CHST9: variants seen among roughly 807,000 people sequenced by gnomAD.
CHST9 encodes the protein carbohydrate sulfotransferase 9, also known as GalNAc-4-sulfotransferase 2.
A neutral mutation model predicts 44.4 loss-of-function variants in CHST9; 41 were observed. The observed-to-expected ratio is 0.92, with a 90% confidence interval of 0.72 to 1.20. The LOEUF is 1.20. CHST9 is among the 50% of genes most tolerant of loss of function. The pLI is 0.00. For missense variants in CHST9, 504 were observed against 516.5 expected, an observed-to-expected ratio of 0.98 and a Z score of 0.23; for synonymous variants, 171 against 178.4, an observed-to-expected ratio of 0.96 and a Z score of 0.33.
intron 5 of CHST9, among the ~76,000 whole-genome samples, chr18:26,926,419 C>T (rs1379407056): frequency 6.6e-6 from 1 of 152,120 alleles, no homozygotes; most frequent in Non-Finnish European, 1.5e-5. Context: ...GGAAACAGTG[C>T]TCTGGTTTGA....
chr18:27,105,533 C>T (rs2058213718), intron 2 of CHST9, among the ~76,000 whole-genome samples: 1 of 151,950 alleles, frequency 6.6e-6, no homozygotes. Flanking sequence ...TCTGAAGCAG[C>T]CCCAAAGTAG....
intron 2 of CHST9, among the ~76,000 whole-genome samples, chr18:27,138,166 G>T (rs1192635413): frequency 6.6e-6 from 1 of 152,088 alleles, no homozygotes; most frequent in African/African-American, 2.4e-5. Flanking sequence ...TGTCCCAATG[G>T]CTTGGCCTGG....
chr18:27,171,364 C>T (rs908329044), intron 1 of CHST9, among the ~76,000 whole-genome samples: 3 of 152,086 alleles, frequency 2.0e-5, no homozygotes, highest in African/African-American at 7.2e-5. Context: ...GAAGAAACTC[C>T]TTGATCATGA....
chr18:27,049,073 C>T (rs771088949), intron 2 of CHST9, among the ~76,000 whole-genome samples: 1 of 151,996 alleles, frequency 6.6e-6, no homozygotes, highest in Non-Finnish European at 1.5e-5. Context: ...ACAGTATGGG[C>T]TAAATGGACA....
At chr18:27,012,462 T>C (rs964551045) in intron 4 of CHST9, among the ~76,000 whole-genome samples, 10 of 152,186 alleles carry the variant, frequency 6.6e-5, no homozygotes, top group Non-Finnish European at 1.2e-4. Flanking sequence ...TTCATCCTTG[T>C]CTTCACATTG....
At chr18:27,104,311 T>C (rs574129716) in intron 2 of CHST9, among the ~76,000 whole-genome samples, 1 of 152,322 alleles carries the variant, frequency 6.6e-6, no homozygotes, top group East Asian at 1.9e-4. Context: ...GAGTTGTGTG[T>C]CTGACTGATT....
At chr18:26,970,679 C>T (rs1324497225) in intron 4 of CHST9, among the ~76,000 whole-genome samples, 3 of 152,208 alleles carry the variant, frequency 2.0e-5, no homozygotes, top group African/African-American at 7.2e-5. Flanking sequence ...CCTCCTGTCT[C>T]GGCCTCCCAA....
chr18:26,966,561 G>C (rs957866901), intron 4 of CHST9, among the ~76,000 whole-genome samples: 5 of 152,146 alleles, frequency 3.3e-5, no homozygotes, highest in African/African-American at 1.2e-4. Flanking sequence ...TACTGGCTTG[G>C]AATCTCTCTC....
chr18:26,919,550 C>T (rs1598553232), intron 5 of CHST9, among the ~76,000 whole-genome samples: 1 of 152,238 alleles, frequency 6.6e-6, no homozygotes, highest in South Asian at 2.1e-4. Context: ...GTTGTTTTAG[C>T]AGCAGCAGCA....
intron 1 of CHST9, among the ~76,000 whole-genome samples, chr18:27,156,143 TA>T (rs2143911959): frequency 6.9e-6 from 1 of 144,358 alleles, no homozygotes; most frequent in South Asian, 2.5e-4. Context: ...GAATGAGGGT[TA>T]ACTATGAAAT....
chr18:27,081,186 C>G (rs945102426), intron 2 of CHST9, among the ~76,000 whole-genome samples: 2 of 151,982 alleles, frequency 1.3e-5, no homozygotes, highest in African/African-American at 2.4e-5. Context: ...TTAGAAAAAA[C>G]AGTTTGCTGG....
At chr18:27,071,933 A>G (rs979742008) in intron 2 of CHST9, among the ~76,000 whole-genome samples, 1 of 152,178 alleles carries the variant, frequency 6.6e-6, no homozygotes, top group African/African-American at 2.4e-5. Flanking sequence ...CTAATGTGAT[A>G]TATTTTATTA....
intron 2 of CHST9, among the ~76,000 whole-genome samples, chr18:27,112,189 T>C (rs148277192): frequency 1.3e-4 from 19 of 150,246 alleles, no homozygotes; most frequent in South Asian, 6.3e-4. Flanking sequence ...ATATATATGG[T>C]ATTGGCTCAT....
chr18:27,107,530 T>C (rs2058231942), intron 2 of CHST9, among the ~76,000 whole-genome samples: 1 of 152,248 alleles, frequency 6.6e-6, no homozygotes, highest in Non-Finnish European at 1.5e-5. Flanking sequence ...GAAATACTAT[T>C]GCTGACATGC....
chr18:27,180,696 A>G (rs958950305), intron 1 of CHST9, among the ~76,000 whole-genome samples: 5 of 152,184 alleles, frequency 3.3e-5, no homozygotes, highest in African/African-American at 1.2e-4. Flanking sequence ...TTAGCAGTTC[A>G]TCATGATCAC....
intron 1 of CHST9, among the ~76,000 whole-genome samples, chr18:27,182,175 T>A (rs9951209): frequency 6.6e-6 from 1 of 151,364 alleles, no homozygotes; most frequent in Non-Finnish European, 1.5e-5. Flanking sequence ...ATGGTGAAAC[T>A]GTTTCTCCTC....
intron 2 of CHST9, among the ~76,000 whole-genome samples, chr18:27,138,469 A>G (rs565446508): frequency 1.3e-5 from 2 of 152,078 alleles, no homozygotes; most frequent in Non-Finnish European, 2.9e-5. Context: ...GCTTCTCCCA[A>G]CTAATTTAAC....
At position 26,913,784 on chromosome 18, in the gene CHST9, G is replaced by A. The variant is rs1278975452; in HGVS notation, c.*2475C>T. 1 of 152,190 alleles carries A rather than the reference G, an allele frequency of 6.6e-6. No homozygotes were observed. The highest frequency in any genetic ancestry group is 2.4e-5 in the African/African-American group (1 of 41,460). The allele number at this position is 152,190 out of a possible 1,614,324, so 9.4% of individuals were successfully genotyped here. The stretch of plus-strand genomic sequence containing the variant: ...TTATGCACAGGCAGAAATGACAAAG[G>A]TGAATGTGAGCTGGTCTGCAAGGCC... On this transcript the variant is annotated 3_prime_UTR_variant, in exon 6 of 6. Coordinates refer to ENST00000618847, the MANE Select transcript of CHST9 (RefSeq NM_031422.6).
In CHST9 at chr18:26,977,337, T is replaced by A. The variant is rs528019966; in HGVS notation, c.203-32971A>T. ...CAGGGAGTATACATCTATCCACATTTAGTCTAAATGTAGAGTGACCTTTCA... is the reference window on the plus strand; with the variant it reads ...CAGGGAGTATACATCTATCCACATTAAGTCTAAATGTAGAGTGACCTTTCA... On this transcript the variant is annotated intron_variant, in intron 4 of 5. Coordinates refer to ENST00000618847, the MANE Select transcript of CHST9 (RefSeq NM_031422.6). Among the ~76,000 whole-genome samples the A allele has an allele frequency of 1.1e-3, 161 of 151,740 alleles. 1 individual carries two copies. The highest frequency in any genetic ancestry group is 1.6e-3 in the Non-Finnish European group (106 of 67,958).
Sources: allele counts gnomAD v4.1 joint callset (sites outside exome capture counted in the v4.1 genomes callset), GRCh38; gene constraint gnomAD v4.1.1; transcripts MANE v1.5; gene names NCBI Gene and HGNC (gene_info 2026-07-23, HGNC 2026-07-21).